CPNE4: variants seen among roughly 807,000 people sequenced by gnomAD.
The protein encoded by CPNE4 is copine-4.
A neutral mutation model predicts 67.9 loss-of-function variants in CPNE4; 25 were observed. That is an observed-to-expected ratio of 0.37 (90% CI 0.27 to 0.51). The LOEUF (loss-of-function observed/expected upper bound fraction) is 0.51. Among genes scored for constraint, CPNE4 ranks in the 20% least tolerant of loss-of-function variants. The pLI, the probability that CPNE4 is intolerant of heterozygous loss-of-function variation, is 0.93. For missense variants in CPNE4, 464 were observed against 690.8 expected, an observed-to-expected ratio of 0.67 and a Z score of 3.68; for synonymous variants, 242 against 244.9, an observed-to-expected ratio of 0.99 and a Z score of 0.11.
rs182438670 is a variant in CPNE4 at position 131,644,388 on chromosome 3, C to T, written c.681+25287G>A. On this transcript the variant is annotated intron_variant, in intron 7 of 15. Transcript: ENST00000429747. ...GGTCTTGATCACCTGACCTCATGAT[C>T]TGCCTGCCTTGTCCTCCCAAAGTGC... 3.6e-3 allele frequency among the ~76,000 whole-genome samples: 554 copies of T among 152,258 alleles called. 4 individuals carry two copies. Among genetic ancestry groups the T allele is most frequent in the African/African-American group, 0.012 (506 of 41,550 alleles).
chr3:131,829,437 A>G (rs533959699), intron 2 of CPNE4, among the ~76,000 whole-genome samples: 4 of 152,270 alleles, frequency 2.6e-5, no homozygotes, highest in Non-Finnish European at 5.9e-5. Flanking sequence ...CTCTAAACAT[A>G]CCTTATCATC....
At chr3:131,986,660 G>A (rs949977175) in intron 1 of CPNE4, among the ~76,000 whole-genome samples, 2 of 152,048 alleles carry the variant, frequency 1.3e-5, no homozygotes, top group African/African-American at 4.8e-5. Context: ...CACTTTGGGA[G>A]GCCAGGCAGG....
chr3:131,827,971 G>C (rs948889912), intron 2 of CPNE4, among the ~76,000 whole-genome samples: 4 of 151,920 alleles, frequency 2.6e-5, no homozygotes, highest in Non-Finnish European at 5.9e-5. Context: ...CTCTTCACGA[G>C]GTTCCTGCAA....
At chr3:131,856,986 T>G (rs1261696783) in intron 2 of CPNE4, among the ~76,000 whole-genome samples, 1 of 142,214 alleles carries the variant, frequency 7.0e-6, no homozygotes, top group African/African-American at 3.1e-5. Context: ...ATATTTTTAT[T>G]AATTATTTCT....
intron 6 of CPNE4, among the ~76,000 whole-genome samples, chr3:131,677,806 C>T (rs771419191): frequency 1.3e-5 from 2 of 152,106 alleles, no homozygotes; most frequent in African/African-American, 2.4e-5. Flanking sequence ...TGTTCTTATA[C>T]CAGTACCATG....
intron 11 of CPNE4, among the ~76,000 whole-genome samples, chr3:131,562,907 C>G (rs1035981992): frequency 1.3e-5 from 2 of 151,952 alleles, no homozygotes; most frequent in East Asian, 1.9e-4. Flanking sequence ...CCTGGATGTA[C>G]AGGAGAGGAA....
At chr3:131,858,543 T>C (rs982857842) in intron 2 of CPNE4, among the ~76,000 whole-genome samples, 3 of 152,118 alleles carry the variant, frequency 2.0e-5, no homozygotes, top group Non-Finnish European at 4.4e-5. Flanking sequence ...CTTTTAGAAA[T>C]TGGCATGAAA....
intron 7 of CPNE4, among the ~76,000 whole-genome samples, chr3:131,661,430 A>G (rs537992213): frequency 5.9e-5 from 9 of 152,352 alleles, no homozygotes; most frequent in Admixed American, 2.6e-4. Context: ...TTTTCTCTCA[A>G]TTCAGAAGCC....
chr3:131,808,708 C>G (rs1449773400), intron 2 of CPNE4, among the ~76,000 whole-genome samples: 7 of 152,112 alleles, frequency 4.6e-5, no homozygotes, highest in African/African-American at 1.4e-4. Context: ...AAGAAACATT[C>G]TGTGAGAAAA....
intron 2 of CPNE4, among the ~76,000 whole-genome samples, chr3:131,795,718 A>G (rs1402941154): frequency 2.0e-5 from 3 of 152,240 alleles, no homozygotes; most frequent in Admixed American, 6.5e-5. Flanking sequence ...CCCTCGGGTC[A>G]CGCTAACAAG....
intron 2 of CPNE4, among the ~76,000 whole-genome samples, chr3:131,814,798 G>GT (rs1481967542): frequency 1.7e-4 from 24 of 138,566 alleles, no homozygotes; most frequent in Non-Finnish European, 3.4e-4. Flanking sequence ...TAGAGACGGG[G>GT]TTTCACCGTT....
chr3:131,830,599 GCCT>G (rs2085327904), intron 2 of CPNE4, among the ~76,000 whole-genome samples: 2 of 152,090 alleles, frequency 1.3e-5, no homozygotes, highest in Admixed American at 6.6e-5. Flanking sequence ...CTTCAATGAA[GCCT>G]GCTCAGACAA....
chr3:131,936,149 C>T (rs2071212059), intron 1 of CPNE4, among the ~76,000 whole-genome samples: 1 of 151,808 alleles, frequency 6.6e-6, no homozygotes, highest in South Asian at 2.1e-4. Context: ...AAAACTCAAA[C>T]TCCATTTTTA....
chr3:131,815,124 A>G (rs1036269079), intron 2 of CPNE4, among the ~76,000 whole-genome samples: 131 of 152,200 alleles, frequency 8.6e-4, no homozygotes, highest in African/African-American at 2.9e-3. Context: ...TGGATGTGGT[A>G]GCAATCTAAA....
chr3:131,804,480 T>C (rs1401591278), intron 2 of CPNE4, among the ~76,000 whole-genome samples: 3 of 152,228 alleles, frequency 2.0e-5, no homozygotes, highest in African/African-American at 7.2e-5. Context: ...GACTGCTTTA[T>C]ATAACCTGAT....
chr3:131,975,861 T>A (rs1225074), intron 1 of CPNE4, among the ~76,000 whole-genome samples: 1 of 151,824 alleles, frequency 6.6e-6, no homozygotes, highest in Non-Finnish European at 1.5e-5. Context: ...GACATGCAAA[T>A]AAGGATGACC....
At chr3:131,742,796 T>C (rs536792382) in intron 2 of CPNE4, among the ~76,000 whole-genome samples, 1 of 152,078 alleles carries the variant, frequency 6.6e-6, no homozygotes, top group East Asian at 1.9e-4. Flanking sequence ...TAAAAATAGA[T>C]ATTTCAAACA....
intron 2 of CPNE4, among the ~76,000 whole-genome samples, chr3:131,771,179 C>T (rs1209023552): frequency 6.6e-6 from 1 of 152,090 alleles, no homozygotes; most frequent in Non-Finnish European, 1.5e-5. Flanking sequence ...ATAATAGATG[C>T]TCGATCAATA....
chr3:131,832,674 T>C (rs2085419489), intron 2 of CPNE4, among the ~76,000 whole-genome samples: 1 of 152,222 alleles, frequency 6.6e-6, no homozygotes, highest in South Asian at 2.1e-4. Flanking sequence ...ACATACCTTG[T>C]TGGATTTCAC....
Sources: allele counts gnomAD v4.1 joint callset (sites outside exome capture counted in the v4.1 genomes callset), GRCh38; gene constraint gnomAD v4.1.1; transcripts MANE v1.5; gene names NCBI Gene and HGNC (gene_info 2026-07-23, HGNC 2026-07-21).